Variants in EMID1 observed in about 807,000 individuals in gnomAD.
EMID1 encodes EMI domain-containing protein 1.
A neutral mutation model predicts 60.6 loss-of-function variants in EMID1; 40 were observed. The ratio of observed to expected loss-of-function variants is 0.66; its 90% CI spans 0.51 to 0.86. The LOEUF is 0.86. Ranked by LOEUF, EMID1 falls within the 40% of genes least tolerant of loss-of-function variation. EMID1 has a pLI of 0.00. For missense variants in EMID1, 585 were observed against 597.1 expected (o/e 0.98, Z 0.21); for synonymous variants, 242 against 231.0 (o/e 1.05, Z -0.43).
chr22:29,252,884 G>T (rs1249485498), intron 13 of EMID1, among the ~76,000 whole-genome samples: 1 of 152,196 alleles, frequency 6.6e-6, no homozygotes, highest in Non-Finnish European at 1.5e-5. Context: ...CTGTTTTCCA[G>T]GCAGGGAGCC....
chr22:29,235,769 T>C (rs1242575283), intron 12 of EMID1, among the ~76,000 whole-genome samples: 1 of 149,218 alleles, frequency 6.7e-6, no homozygotes, highest in Non-Finnish European at 1.5e-5. Context: ...TAAAGCTTTC[T>C]AGAATTTAAG....
At chr22:29,226,679 C>A in intron 5 of EMID1, 128 bp downstream of exon 5, 2 of 904,558 alleles carry the variant, frequency 2.2e-6, no homozygotes, top group Non-Finnish European at 3.2e-6. Context: ...CACAGGGCAG[C>A]TCTGAACTGA....
intron 1 of EMID1, among the ~76,000 whole-genome samples, chr22:29,213,332 C>T (rs1295603367): frequency 6.6e-6 from 1 of 152,200 alleles, no homozygotes; most frequent in Non-Finnish European, 1.5e-5. Flanking sequence ...CCTGTCACCT[C>T]TGCATGGGAT....
chr22:29,226,000 G>A (rs112646521), intron 4 of EMID1, among the ~76,000 whole-genome samples: 4,988 of 152,126 alleles, frequency 0.033, 178 homozygotes, highest in South Asian at 0.1. Context: ...CCCCAAAGCC[G>A]GCAAGCCCTG....
intron 5 of EMID1, among the ~76,000 whole-genome samples, chr22:29,229,185 T>G (rs915622885): frequency 4.0e-5 from 6 of 150,698 alleles, no homozygotes; most frequent in African/African-American, 1.2e-4. Flanking sequence ...CTACAAAAAA[T>G]TAGCTAGGCT....
chr22:29,258,450 G>A (rs1011995995), intron 14 of EMID1, among the ~76,000 whole-genome samples: 1 of 152,138 alleles, frequency 6.6e-6, no homozygotes, highest in African/African-American at 2.4e-5. Flanking sequence ...AGTTTACCCA[G>A]CTACCAAATG....
At chr22:29,210,356 C>T (rs1040864756) in intron 1 of EMID1, among the ~76,000 whole-genome samples, 9 of 150,580 alleles carry the variant, frequency 6.0e-5, no homozygotes, top group South Asian at 2.1e-4. Flanking sequence ...TGGGTTTAAG[C>T]GATTCTCCTG....
In EMID1 at chr22:29,231,024, C is replaced by G. The variant is rs770226784; in HGVS notation, c.470C>G (p.Thr157Ser). ...CGTCCCTGTCTTCCTCTTCAGATGACCATGCTGACTGTCATAGAGCAGCCA... is the reference window on the plus strand; with the variant it reads ...CGTCCCTGTCTTCCTCTTCAGATGAGCATGCTGACTGTCATAGAGCAGCCA... Reference protein sequence around the residue: ...ERLKVLEAKMTMLTVIEQPVP... With the variant: ...ERLKVLEAKMSMLTVIEQPVP... Residue 157 changes from threonine to serine, a missense_variant, in exon 6 of 15, where the codon ACC becomes AGC. Coordinates refer to ENST00000334018, the MANE Select transcript of EMID1 (RefSeq NM_133455.4). 87 of 1,613,156 alleles carry G rather than the reference C, an allele frequency of 5.4e-5. No individual in the cohort carries two copies. Among genetic ancestry groups the G allele is most frequent in the Non-Finnish European group, 7.4e-5 (87 of 1,179,580 alleles).
chr22:29,250,733 ATTTTTTTTTTTTTTTTT>A lies in EMID1; in HGVS notation c.1120-3451_1120-3435del, dbSNP rs748172215. ...AGGCATGCACCACCACACCCGGCTA[ATTTTTTTTTTTTTTTTT>A]TTTTTTTTTTTTTTTTTTAGTAGTA... On this transcript the variant is annotated intron_variant, in intron 13 of 14. Transcript: ENST00000334018. Among the ~76,000 whole-genome samples the A allele has an allele frequency of 5.3e-4, 12 of 22,488 alleles. No individual in the cohort carries two copies. In the South Asian group the frequency reaches 0.013, roughly 24 times the overall value. The allele number at this position is 22,488 out of a possible 152,430, so 14.8% of individuals were successfully genotyped here.
In EMID1 at chr22:29,232,301, G is replaced by T. The variant is rs1200072086; in HGVS notation, c.722G>T (p.Gly241Val). ...AGCCCTGGCCGGGCTGGAGCTGTGGGCACCCCTGGAGAGAGGGGACCTCCT... is the reference window on the plus strand; with the variant it reads ...AGCCCTGGCCGGGCTGGAGCTGTGGTCACCCCTGGAGAGAGGGGACCTCCT... ...PGSPGRAGAV[G>V]TPGERGPPGP... is the part of the protein sequence containing the mutation. The change falls in exon 8 of 15, where the codon GGC (glycine) becomes GTC (valine). Residue 241 changes from glycine to valine, a missense_variant. Gly to Val is a moderately radical substitution (Grantham distance 109). Coordinates refer to ENST00000334018, the MANE Select transcript of EMID1 (RefSeq NM_133455.4). The T allele has an allele frequency of 6.2e-7, 1 of 1,611,186 alleles. No homozygotes were observed. The highest frequency in any genetic ancestry group is 8.5e-7 in the Non-Finnish European group (1 of 1,179,718).
chr22:29,234,125 C>T lies in EMID1; in HGVS notation c.967-12C>T, dbSNP rs1236284708. On this transcript the variant is annotated splice_polypyrimidine_tract_variant and intron_variant, in intron 10 of 14. Coordinates refer to ENST00000334018, the MANE Select transcript of EMID1 (RefSeq NM_133455.4). ...CCCCAACACAAGGCTGAGGCCCTGTCTTGTTGCTCAGGGACCCCCAGGCCC... is the reference window on the plus strand; with the variant it reads ...CCCCAACACAAGGCTGAGGCCCTGTTTTGTTGCTCAGGGACCCCCAGGCCC... The T allele has an allele frequency of 6.3e-7, 1 of 1,576,562 alleles. No homozygotes were observed. The highest frequency in any genetic ancestry group is 1.4e-5 in the African/African-American group (1 of 74,066).
chr22:29,210,775 T>C (rs2039853384), intron 1 of EMID1, among the ~76,000 whole-genome samples: 1 of 152,216 alleles, frequency 6.6e-6, no homozygotes. Flanking sequence ...GCTCTGGCCA[T>C]TGTGGACCAT....
intron 1 of EMID1, among the ~76,000 whole-genome samples, chr22:29,214,625 T>C (rs926690211): frequency 6.6e-6 from 1 of 152,048 alleles, no homozygotes; most frequent in Non-Finnish European, 1.5e-5. Context: ...AGGAGAGAAG[T>C]TGGGGAGCGA....
In EMID1 at chr22:29,231,183, G is replaced by A. The variant is rs780235299; in HGVS notation, c.586+43G>A. ...ACTCCCCTGTGGGAATGAGCAGTGG[G>A]TTGGGAATCGGGGAAGTGGGATTCT... On this transcript the variant is annotated intron_variant, in intron 6 of 14. Coordinates refer to ENST00000334018, the MANE Select transcript of EMID1 (RefSeq NM_133455.4). 14 of 1,546,282 alleles carry A rather than the reference G, an allele frequency of 9.1e-6. No homozygotes were observed. The African/African-American group carries it at 1.6e-4, about 18-fold the overall frequency.
In EMID1 at chr22:29,259,551, A is replaced by G. The variant is rs1034950218; in HGVS notation, c.*607A>G. Reference sequence around the variant, plus strand: ...GCAAATGCTTGTGACAGATGCCAGGAGGTAGATGTGTGCTGGCCAATAAAG... The same window carrying G: ...GCAAATGCTTGTGACAGATGCCAGGGGGTAGATGTGTGCTGGCCAATAAAG... On this transcript the variant is annotated 3_prime_UTR_variant, in exon 15 of 15. Coordinates refer to ENST00000334018, the MANE Select transcript of EMID1 (RefSeq NM_133455.4). 5 of 170,436 alleles carry G rather than the reference A, an allele frequency of 2.9e-5. No homozygotes were observed. The highest frequency in any genetic ancestry group is 2.9e-3 in the Middle Eastern group (1 of 342). 10.6% of individuals were successfully genotyped at this position (170,436 alleles called of 1,614,324 possible).
At chr22:29,254,773 CAG>C (rs1360516273) in intron 14 of EMID1, 1 of 175,178 alleles carries the variant, frequency 5.7e-6, no homozygotes, top group Non-Finnish European at 1.2e-5. Context: ...TCATGGGTAA[CAG>C]AGTCAGGCCC....
intron 13 of EMID1, among the ~76,000 whole-genome samples, chr22:29,245,854 A>T (rs2146395590): frequency 6.6e-6 from 1 of 152,270 alleles, no homozygotes; most frequent in East Asian, 1.9e-4. Flanking sequence ...GCAGAGCGGG[A>T]ACTGGAGCCC....
At chr22:29,225,092 A>G (rs28633802) in intron 3 of EMID1, 41 bp from the exon 4 acceptor site, 2 of 1,603,720 alleles carry the variant, frequency 1.2e-6, no homozygotes, top group African/African-American at 1.3e-5. Context: ...TGAGGAGGCA[A>G]GGATCACATG....
chr22:29,227,632 G>A (rs1328215933), intron 5 of EMID1, among the ~76,000 whole-genome samples: 2 of 150,582 alleles, frequency 1.3e-5, no homozygotes, highest in Admixed American at 6.6e-5. Flanking sequence ...TTGAACCTGG[G>A]AGGTGGAGGT....
Sources: allele counts gnomAD v4.1 joint callset (sites outside exome capture counted in the v4.1 genomes callset), GRCh38; gene constraint gnomAD v4.1.1; transcripts MANE v1.5; gene names NCBI Gene and HGNC (gene_info 2026-07-23, HGNC 2026-07-21).